The following CNTNAP2 variants were observed in gnomAD, a reference collection of about 807,000 sequenced individuals.
CNTNAP2 encodes the protein contactin-associated protein-like 2.
CNTNAP2 carries 98 observed loss-of-function variants against 155.2 expected under a neutral mutation model. That is an observed-to-expected ratio of 0.63 (90% confidence interval 0.54 to 0.75). The LOEUF is 0.75. CNTNAP2 is among the 30% of genes least tolerant of loss of function. The probability of loss-of-function intolerance (pLI) is 0.00; values close to 1 mark genes in which losing one functional copy is unlikely to be tolerated. For synonymous variants in CNTNAP2, 651 were observed against 631.2 expected (o/e 1.03, Z -0.47); for missense variants, 1,727 against 1,688.1 (o/e 1.02, Z -0.40).
At chr7:148,120,467 A>G (rs1182624427) in intron 16 of CNTNAP2, among the ~76,000 whole-genome samples, 1 of 151,874 alleles carries the variant, frequency 6.6e-6, no homozygotes, top group Non-Finnish European at 1.5e-5. Context: ...GGATCTCGCC[A>G]TGTCGGCCAG....
intron 1 of CNTNAP2, among the ~76,000 whole-genome samples, chr7:146,708,335 C>A (rs1031722255): frequency 1.2e-4 from 18 of 151,956 alleles, no homozygotes; most frequent in African/African-American, 4.1e-4. Context: ...TATAAATGAT[C>A]TCAACATAAT....
At chr7:146,206,635 A>G (rs544578994) in intron 1 of CNTNAP2, among the ~76,000 whole-genome samples, 173 of 152,084 alleles carry the variant, frequency 1.1e-3, no homozygotes, top group Non-Finnish European at 2.2e-3. Flanking sequence ...GCAGTACTTT[A>G]AAGAGGTGTT....
intron 14 of CNTNAP2, among the ~76,000 whole-genome samples, chr7:147,914,900 T>A (rs1315038036): frequency 6.6e-6 from 1 of 152,168 alleles, no homozygotes; most frequent in African/African-American, 2.4e-5. Context: ...CATGCATACA[T>A]AATTTCTAGA....
intron 1 of CNTNAP2, among the ~76,000 whole-genome samples, chr7:146,464,487 A>T (rs1796687685): frequency 6.6e-6 from 1 of 152,138 alleles, no homozygotes; most frequent in African/African-American, 2.4e-5. Flanking sequence ...AACATAAGCT[A>T]ATTAACAGTA....
At chr7:146,547,756 T>A (rs974266777) in intron 1 of CNTNAP2, among the ~76,000 whole-genome samples, 2 of 151,974 alleles carry the variant, frequency 1.3e-5, no homozygotes, top group Non-Finnish European at 1.5e-5. Flanking sequence ...GGAATGTTGC[T>A]GTGATAAACG....
At chr7:147,576,626 A>G (rs893497180) in intron 12 of CNTNAP2, among the ~76,000 whole-genome samples, 1 of 152,114 alleles carries the variant, frequency 6.6e-6, no homozygotes, top group African/African-American at 2.4e-5. Context: ...AGTTCACTAG[A>G]TTCTTTCATC....
chr7:147,700,033 A>G (rs1003110954), intron 13 of CNTNAP2, among the ~76,000 whole-genome samples: 1 of 152,188 alleles, frequency 6.6e-6, no homozygotes, highest in Admixed American at 6.5e-5. Context: ...CACACTGACA[A>G]TGTGGAAAAT....
At chr7:146,368,098 A>G (rs1469766188) in intron 1 of CNTNAP2, among the ~76,000 whole-genome samples, 2 of 151,972 alleles carry the variant, frequency 1.3e-5, no homozygotes, top group Admixed American at 6.6e-5. Flanking sequence ...TGCATCCCCA[A>G]TGCCCTTTTC....
intron 9 of CNTNAP2, among the ~76,000 whole-genome samples, chr7:147,333,452 C>G (rs1028830672): frequency 2.6e-5 from 4 of 152,088 alleles, no homozygotes; most frequent in African/African-American, 9.7e-5. Flanking sequence ...ATGCTAACAG[C>G]TACAGAATCT....
At chr7:146,398,312 A>G (rs1795663920) in intron 1 of CNTNAP2, among the ~76,000 whole-genome samples, 2 of 151,622 alleles carry the variant, frequency 1.3e-5, no homozygotes, top group African/African-American at 4.9e-5. Flanking sequence ...GGAACTTATA[A>G]TCATGGTGGA....
chr7:147,116,190 T>C (rs932277943), intron 5 of CNTNAP2, among the ~76,000 whole-genome samples: 3 of 152,178 alleles, frequency 2.0e-5, no homozygotes, highest in African/African-American at 7.2e-5. Flanking sequence ...AGCCTGCTGC[T>C]TCCTCTGGAA....
chr7:147,629,986 C>T (rs1427089070), intron 12 of CNTNAP2, among the ~76,000 whole-genome samples: 5 of 151,240 alleles, frequency 3.3e-5, no homozygotes, highest in African/African-American at 7.3e-5. Flanking sequence ...CAGAACAGAA[C>T]TAAATGAAAT....
intron 15 of CNTNAP2, among the ~76,000 whole-genome samples, chr7:148,095,426 G>T (rs751314170): frequency 6.6e-6 from 1 of 152,228 alleles, no homozygotes; most frequent in East Asian, 1.9e-4. Context: ...TCAAAATAAC[G>T]GTACTTCGAA....
At chr7:146,666,494 A>G (rs1203576299) in intron 1 of CNTNAP2, among the ~76,000 whole-genome samples, 1 of 152,168 alleles carries the variant, frequency 6.6e-6, no homozygotes, top group Non-Finnish European at 1.5e-5. Flanking sequence ...TACTCATTTC[A>G]TCTCCTTTGG....
At chr7:147,624,042 A>G (rs1030126787) in intron 12 of CNTNAP2, among the ~76,000 whole-genome samples, 15 of 152,122 alleles carry the variant, frequency 9.9e-5, no homozygotes, top group African/African-American at 2.7e-4. Flanking sequence ...TGGTTCTGGG[A>G]AAACTGAATG....
At chr7:147,762,153 T>TCACACACA (rs545084626) in intron 13 of CNTNAP2, among the ~76,000 whole-genome samples, 1 of 103,856 alleles carries the variant, frequency 9.6e-6, no homozygotes, top group Non-Finnish European at 1.9e-5. Flanking sequence ...TCTCTCTCTG[T>TCACACACA]CTCACACACA....
At chr7:147,698,031 T>C (rs1298773373) in intron 13 of CNTNAP2, among the ~76,000 whole-genome samples, 1 of 152,150 alleles carries the variant, frequency 6.6e-6, no homozygotes, top group African/African-American at 2.4e-5. Flanking sequence ...TTTCCTACCC[T>C]GGTACTGGCT....
rs1288441094 is a variant in CNTNAP2, at chr7:146,151,660, A to ATG, written c.97+34688_97+34689insGT. ...GATATATATATATATATATATATAT[A>ATG]TATATATATATATATATATATGTAT... On this transcript the variant is annotated intron_variant, in intron 1 of 23. Coordinates refer to ENST00000361727, the MANE Select transcript of CNTNAP2 (RefSeq NM_014141.6). Among the ~76,000 whole-genome samples, 14 of 55,224 alleles carry ATG rather than the reference A, an allele frequency of 2.5e-4. No homozygotes were observed. The South Asian group carries it at 3.7e-3, about 15-fold the overall frequency. The allele number at this position is 55,224 out of a possible 152,430, so 36.2% of individuals were successfully genotyped here. A position where few individuals can be genotyped will look rare whatever the true frequency, so the allele number is the denominator to read the frequency against.
chr7:148,288,266 CT>C (rs1356634172), intron 21 of CNTNAP2, among the ~76,000 whole-genome samples: 1 of 151,348 alleles, frequency 6.6e-6, no homozygotes. Context: ...TGCCCAGCTA[CT>C]TTTTTGTATT....
Sources: allele counts gnomAD v4.1 joint callset (sites outside exome capture counted in the v4.1 genomes callset), GRCh38; gene constraint gnomAD v4.1.1; transcripts MANE v1.5; gene names NCBI Gene and HGNC (gene_info 2026-07-23, HGNC 2026-07-21).